Variants in UMAD1 observed in about 807,000 individuals in gnomAD.
The protein encoded by UMAD1 is UBAP1-MVB12-associated (UMA) domain containing 1, also known as UBAP1-MVB12-associated (UMA)-domain containing protein 1.
In UMAD1, 8 loss-of-function variants were observed where a neutral mutation model predicts 6.1. That is an observed-to-expected ratio of 1.30 (90% CI 0.76 to 2.35). UMAD1 has a LOEUF of 2.35. UMAD1 is among the 30% of genes most tolerant of loss of function. The pLI is 0.00. For synonymous variants in UMAD1, 56 were observed against 31.4 expected, an observed-to-expected ratio of 1.78 and a Z score of -2.61; for missense variants, 130 against 78.4, an observed-to-expected ratio of 1.66 and a Z score of -2.49.
At chr7:7,705,901 T>C (rs959886626) in intron 2 of UMAD1, among the ~76,000 whole-genome samples, 6 of 152,244 alleles carry the variant, frequency 3.9e-5, no homozygotes, top group East Asian at 1.9e-4. Context: ...GCAGGAGTTA[T>C]ATGGGAATTC....
At position 7,677,654 on chromosome 7, in the gene UMAD1, C is replaced by CTGTTTTTT. The variant is rs1295418410; in HGVS notation, c.82+4211_82+4218dup. 1.5e-4 allele frequency among the ~76,000 whole-genome samples: 20 copies of CTGTTTTTT among 136,028 alleles called. 1 individual carries two copies. The highest frequency in any genetic ancestry group is 2.4e-4 in the South Asian group (1 of 4,224). The allele number at this position is 136,028 out of a possible 152,430, so 89.2% of individuals were successfully genotyped here. On this transcript the variant is annotated intron_variant, in intron 2 of 3. Transcript: ENST00000682710. Reference sequence around the variant, plus strand: ...TACCACATTTTCTTTATCTATTCATCTGTTTTTTTGTTTTTTTTTTTTTTT... The same window carrying CTGTTTTTT: ...TACCACATTTTCTTTATCTATTCATCTGTTTTTTTGTTTTTTTGTTTTTTTTTTTTTTT...
At chr7:7,642,435 A>G (rs1333004369) in intron 1 of UMAD1, among the ~76,000 whole-genome samples, 1 of 150,936 alleles carries the variant, frequency 6.6e-6, no homozygotes, top group African/African-American at 2.4e-5. Context: ...CTGGAATTAC[A>G]GGTGTGAGCC....
intron 2 of UMAD1, among the ~76,000 whole-genome samples, chr7:7,774,176 G>A (rs1251237418): frequency 3.3e-5 from 5 of 152,090 alleles, no homozygotes; most frequent in African/African-American, 9.7e-5. Flanking sequence ...CTGACTTCTC[G>A]ACAGACTTCT....
At chr7:7,752,374 T>C (rs1781694653) in intron 2 of UMAD1, among the ~76,000 whole-genome samples, 1 of 152,044 alleles carries the variant, frequency 6.6e-6, no homozygotes, top group South Asian at 2.1e-4. Context: ...AAAATACGTA[T>C]CGAGAAAGAC....
At chr7:7,749,366 C>T (rs906752503) in intron 2 of UMAD1, among the ~76,000 whole-genome samples, 2 of 152,138 alleles carry the variant, frequency 1.3e-5, no homozygotes, top group African/African-American at 4.8e-5. Context: ...ACTTTAATAG[C>T]CCGTATTCCA....
intron 2 of UMAD1, among the ~76,000 whole-genome samples, chr7:7,711,649 T>G (rs1221654557): frequency 1.3e-5 from 2 of 152,150 alleles, no homozygotes; most frequent in Non-Finnish European, 2.9e-5. Flanking sequence ...GTGGTTTTTT[T>G]GCTCAGTAAA....
Position 7,812,908 on chromosome 7 carries a change from G to A in UMAD1, c.156+11165G>A, listed in dbSNP as rs559648349. Among the ~76,000 whole-genome samples the A allele has an allele frequency of 3.3e-4, 50 of 151,546 alleles. 2 individuals carry two copies. In the South Asian group the frequency reaches 0.01, roughly 31 times the overall value. ...ACAACTTCTTGAGACTATATAGAGA[G>A]CTTAAGTGCAGCCATTTTTATGATG... On this transcript the variant is annotated intron_variant, in intron 3 of 3. Coordinates refer to ENST00000682710, the MANE Select transcript of UMAD1 (RefSeq NM_001302348.2).
chr7:7,689,680 A>G (rs1780127738), intron 2 of UMAD1, among the ~76,000 whole-genome samples: 1 of 152,202 alleles, frequency 6.6e-6, no homozygotes, highest in Non-Finnish European at 1.5e-5. Flanking sequence ...GTGTCTATAT[A>G]GAAGACATTT....
At chr7:7,869,403 C>T (rs913761887) in intron 3 of UMAD1, among the ~76,000 whole-genome samples, 3 of 152,178 alleles carry the variant, frequency 2.0e-5, no homozygotes, top group African/African-American at 7.2e-5. Context: ...ATTACCTCTT[C>T]TTTTTGTAAC....
intron 2 of UMAD1, among the ~76,000 whole-genome samples, chr7:7,798,682 G>A (rs1266159231): frequency 6.6e-6 from 1 of 152,146 alleles, no homozygotes; most frequent in Non-Finnish European, 1.5e-5. Flanking sequence ...TCAGAGTCTA[G>A]TTTCCTCCCA....
At chr7:7,665,256 C>T (rs1055089500) in intron 1 of UMAD1, among the ~76,000 whole-genome samples, 3 of 152,186 alleles carry the variant, frequency 2.0e-5, no homozygotes, top group African/African-American at 4.8e-5. Flanking sequence ...CTAGTGCTCT[C>T]CTACCTCTAT....
intron 2 of UMAD1, among the ~76,000 whole-genome samples, chr7:7,723,944 C>A (rs557526385): frequency 6.6e-6 from 1 of 152,108 alleles, no homozygotes; most frequent in Non-Finnish European, 1.5e-5. Flanking sequence ...ATTTTCAGAT[C>A]GAATGGACAA....
At chr7:7,759,371 T>A (rs970653689) in intron 2 of UMAD1, among the ~76,000 whole-genome samples, 8 of 152,216 alleles carry the variant, frequency 5.3e-5, no homozygotes, top group Non-Finnish European at 8.8e-5. Flanking sequence ...CTACATGTGC[T>A]GGGTCACCTT....
At chr7:7,800,983 C>T (rs1365397431) in intron 2 of UMAD1, among the ~76,000 whole-genome samples, 2 of 152,148 alleles carry the variant, frequency 1.3e-5, no homozygotes, top group East Asian at 1.9e-4. Flanking sequence ...TAATCACAAA[C>T]CATTAGTGAT....
intron 2 of UMAD1, among the ~76,000 whole-genome samples, chr7:7,764,023 G>C (rs1289630222): frequency 6.6e-6 from 1 of 152,194 alleles, no homozygotes; most frequent in East Asian, 1.9e-4. Context: ...GTGAGATTCA[G>C]CCTAAGAAAA....
chr7:7,655,819 G>GTCTC (rs146375851), intron 1 of UMAD1, among the ~76,000 whole-genome samples: 47 of 150,274 alleles, frequency 3.1e-4, no homozygotes, highest in South Asian at 2.1e-3. Context: ...ATTTAGGACA[G>GTCTC]TCTCTCTCTC....
At chr7:7,757,929 G>A (rs1781809921) in intron 2 of UMAD1, among the ~76,000 whole-genome samples, 1 of 152,076 alleles carries the variant, frequency 6.6e-6, no homozygotes, top group South Asian at 2.1e-4. Context: ...TCTTCTTATG[G>A]TTTGTCTAGA....
intron 2 of UMAD1, among the ~76,000 whole-genome samples, chr7:7,740,126 C>T (rs1263495843): frequency 6.6e-6 from 1 of 152,234 alleles, no homozygotes. Flanking sequence ...TTCTGGGCAG[C>T]AAGCTATCAC....
At chr7:7,656,714 C>T (rs1293404959) in intron 1 of UMAD1, among the ~76,000 whole-genome samples, 1 of 152,136 alleles carries the variant, frequency 6.6e-6, no homozygotes. Context: ...TCCAGTCTAT[C>T]ATTGATCGGC....
Sources: gnomAD v4.1 joint callset for allele counts (sites outside exome capture counted in the v4.1 genomes callset) on GRCh38, gnomAD v4.1.1 for gene constraint, MANE v1.5 for transcripts, NCBI Gene and HGNC (gene_info 2026-07-23, HGNC 2026-07-21) for gene names.